The following COMMD10 variants were observed in gnomAD, a reference collection of about 807,000 sequenced individuals.
COMMD10 encodes COMM domain-containing protein 10.
Under a neutral mutation model 28.9 loss-of-function variants are expected in COMMD10, and 33 were observed. That is an observed-to-expected ratio of 1.14 (90% CI 0.87 to 1.53). The LOEUF (loss-of-function observed/expected upper bound fraction) is 1.53, where lower values mean the gene tolerates loss of function less well. Ranked by LOEUF, COMMD10 falls within the 40% of genes most tolerant of loss-of-function variation. COMMD10 has a pLI of 0.00. For missense variants in COMMD10, 310 were observed against 233.4 expected, an observed-to-expected ratio of 1.33 and a Z score of -2.14; for synonymous variants, 110 against 81.7, an observed-to-expected ratio of 1.35 and a Z score of -1.87.
At chr5:116,272,919 G>T (rs1750797586) in intron 5 of COMMD10, among the ~76,000 whole-genome samples, 1 of 151,726 alleles carries the variant, frequency 6.6e-6, no homozygotes, top group Admixed American at 6.6e-5. Flanking sequence ...GGATGTGGAT[G>T]GTCTGTCACT....
chr5:116,153,064 C>T (rs1270745097), intron 5 of COMMD10, among the ~76,000 whole-genome samples: 4 of 152,012 alleles, frequency 2.6e-5, no homozygotes, highest in Non-Finnish European at 4.4e-5. Flanking sequence ...ATTTGTGCAT[C>T]TTTTCGACAC....
At chr5:116,273,988 A>C (rs1275480423) in intron 5 of COMMD10, among the ~76,000 whole-genome samples, 1 of 151,772 alleles carries the variant, frequency 6.6e-6, no homozygotes, top group African/African-American at 2.4e-5. Flanking sequence ...CTAATGTCAT[A>C]AAATGTATGT....
chr5:116,091,218 C>A, intron 3 of COMMD10, 29 bp downstream of exon 3: 1 of 1,274,032 alleles, frequency 7.8e-7, no homozygotes, highest in Non-Finnish European at 1.1e-6. Context: ...ATTTTCTAGC[C>A]ATGATTTGTT....
chr5:116,259,222 C>T (rs1047395464), intron 5 of COMMD10, among the ~76,000 whole-genome samples: 2 of 151,516 alleles, frequency 1.3e-5, no homozygotes, highest in Non-Finnish European at 2.9e-5. Context: ...GCCACCATGC[C>T]TGGCCAATTT....
intron 5 of COMMD10, among the ~76,000 whole-genome samples, chr5:116,244,938 G>A (rs1176283955): frequency 6.6e-6 from 1 of 151,400 alleles, no homozygotes; most frequent in Non-Finnish European, 1.5e-5. Flanking sequence ...GAAACCAAGA[G>A]CAAACAAATC....
chr5:116,101,477 A>T (rs894025487), intron 4 of COMMD10, among the ~76,000 whole-genome samples: 1 of 151,702 alleles, frequency 6.6e-6, no homozygotes, highest in South Asian at 2.1e-4. Flanking sequence ...CCCAGGCTGG[A>T]TTGCAATGGT....
intron 5 of COMMD10, chr5:116,255,864 T>C (rs1428281246): frequency 6.6e-6 from 1 of 151,454 alleles, no homozygotes; most frequent in Non-Finnish European, 1.5e-5. Context: ...AATGTTAGTC[T>C]CATTAAGTAG....
In COMMD10 at chr5:116,124,981, C is replaced by G. The variant is rs543660164; in HGVS notation, c.400-9087C>G. On this transcript the variant is annotated intron_variant, in intron 4 of 6. Coordinates refer to ENST00000274458, the MANE Select transcript of COMMD10 (RefSeq NM_016144.4). The stretch of plus-strand genomic sequence containing the variant: ...GTGTCTCTGCACGTGAAGTGGTTCT[C>G]CTGAATACAGCACACTGTTGAGTGT... Among the ~76,000 whole-genome samples, 5 of 152,250 alleles carry G rather than the reference C, an allele frequency of 3.3e-5. No individual in the cohort carries two copies. In the South Asian group the frequency reaches 8.3e-4, roughly 25 times the overall value.
intron 4 of COMMD10, among the ~76,000 whole-genome samples, chr5:116,125,595 C>G (rs1751600264): frequency 6.6e-6 from 1 of 152,090 alleles, no homozygotes; most frequent in Admixed American, 6.6e-5. Flanking sequence ...GAATGTTGGT[C>G]TGCCTTGCTA....
intron 5 of COMMD10, among the ~76,000 whole-genome samples, chr5:116,228,763 C>G (rs188382548): frequency 6.6e-6 from 1 of 152,078 alleles, no homozygotes; most frequent in Admixed American, 6.6e-5. Flanking sequence ...CACTGTGACT[C>G]TCTCCTTGTT....
intron 5 of COMMD10, among the ~76,000 whole-genome samples, chr5:116,266,367 A>G (rs1298058362): frequency 6.6e-6 from 1 of 151,816 alleles, no homozygotes; most frequent in Non-Finnish European, 1.5e-5. Flanking sequence ...CTAAAGGGGT[A>G]TATTTCAATG....
At chr5:116,113,986 A>C (rs555322080) in intron 4 of COMMD10, among the ~76,000 whole-genome samples, 1 of 148,562 alleles carries the variant, frequency 6.7e-6, no homozygotes, top group Admixed American at 6.7e-5. Context: ...GAGTAGGGCC[A>C]CTTGTTTTTA....
At chr5:116,201,807 G>T (rs961666128) in intron 5 of COMMD10, among the ~76,000 whole-genome samples, 2 of 152,090 alleles carry the variant, frequency 1.3e-5, no homozygotes, top group African/African-American at 4.8e-5. Context: ...TTTATCCAAA[G>T]TTACACACCC....
chr5:116,229,419 G>T (rs1349523373), intron 5 of COMMD10, among the ~76,000 whole-genome samples: 1 of 152,006 alleles, frequency 6.6e-6, no homozygotes, highest in Non-Finnish European at 1.5e-5. Flanking sequence ...GGCAAGGCAG[G>T]CAGAGAAGCA....
At chr5:116,135,922 A>G (rs758902763) in intron 5 of COMMD10, among the ~76,000 whole-genome samples, 10 of 152,164 alleles carry the variant, frequency 6.6e-5, no homozygotes, top group Non-Finnish European at 1.5e-4. Flanking sequence ...CTTTATCTGT[A>G]AAATATAGGT....
chr5:116,209,013 C>T (rs1470435029), intron 5 of COMMD10, among the ~76,000 whole-genome samples: 4 of 151,986 alleles, frequency 2.6e-5, no homozygotes, highest in African/African-American at 7.2e-5. Context: ...CAGATTCTGT[C>T]TCTCTTTTCT....
intron 5 of COMMD10, among the ~76,000 whole-genome samples, chr5:116,146,771 A>C (rs1752363392): frequency 6.6e-6 from 1 of 151,854 alleles, no homozygotes; most frequent in Admixed American, 6.6e-5. Context: ...TATGAAGAGG[A>C]AGAATACTTG....
intron 4 of COMMD10, among the ~76,000 whole-genome samples, chr5:116,123,203 A>G (rs769269610): frequency 2.0e-5 from 3 of 152,134 alleles, no homozygotes; most frequent in Non-Finnish European, 2.9e-5. Context: ...ACAAAAGCCA[A>G]TGGAAACTAA....
chr5:116,171,575 A>T (rs13161146), intron 5 of COMMD10, among the ~76,000 whole-genome samples: 77,161 of 151,950 alleles, frequency 0.51, 22,264 homozygotes, highest in Non-Finnish European at 0.65. Flanking sequence ...CTTGGAACCA[A>T]CCCAAATGCC....
Sources: allele counts gnomAD v4.1 joint callset (sites outside exome capture counted in the v4.1 genomes callset), GRCh38; gene constraint gnomAD v4.1.1; transcripts MANE v1.5; gene names NCBI Gene and HGNC (gene_info 2026-07-23, HGNC 2026-07-21).